Variants in MEGF6 observed in about 807,000 individuals in gnomAD.
MEGF6 encodes multiple EGF like domains 6.
In MEGF6, 184 loss-of-function variants were observed where a neutral mutation model predicts 207.1. The ratio of observed to expected loss-of-function variants is 0.89; its 90% CI spans 0.79 to 1.00. The LOEUF (loss-of-function observed/expected upper bound fraction) is 1.00, where lower values mean the gene tolerates loss of function less well. Among genes scored for constraint, MEGF6 ranks in the 50% least tolerant of loss-of-function variants. The probability of loss-of-function intolerance (pLI) is 0.00; values close to 1 mark genes in which losing one functional copy is unlikely to be tolerated. For missense variants in MEGF6, 2,282 were observed against 2,202.9 expected, an observed-to-expected ratio of 1.04 and a Z score of -0.72; for synonymous variants, 1,038 against 910.0, an observed-to-expected ratio of 1.14 and a Z score of -2.53.
rs1442405915 is a variant in MEGF6 at position 3,546,897 on chromosome 1, GCGGGGTGGC to G, written c.482-22660_482-22652del. 4.1e-3 allele frequency: 685 copies of G among 166,518 alleles called. 13 individuals are homozygous for G. Among genetic ancestry groups the G allele is most frequent in the South Asian group, 0.013 (138 of 11,010 alleles). 10.3% of individuals were successfully genotyped at this position (166,518 alleles called of 1,614,324 possible). On this transcript the variant is annotated intron_variant, in intron 4 of 36. Transcript: ENST00000356575. ...AGTGGGCTGGGAAGGGGGCTGCCAG[GCGGGGTGGC>G]AGTGGGCTGGGAAGGGGGCTGCCAG...
At chr1:3,515,587 C>G in intron 5 of MEGF6, 60 bp from the exon 6 acceptor site, 1 of 1,582,502 alleles carries the variant, frequency 6.3e-7, no homozygotes, top group Non-Finnish European at 8.6e-7. Context: ...ACAGTCTGTC[C>G]CTGGCTGGCA....
At position 3,500,646 on chromosome 1, in the gene MEGF6, C is replaced by A; in HGVS notation, c.2694G>T (p.Pro898=). 2 of 1,560,368 alleles carry A rather than the reference C, an allele frequency of 1.3e-6. No individual in the cohort carries two copies. Among genetic ancestry groups the A allele is most frequent in the Admixed American group, 1.9e-5 (1 of 52,552 alleles). ...LCLCEAGYVG[P]RCEQQCPQGH... ...GCCGGGACTCACGCTGCTCGCACCG[C>A]GGGCCCACGTAGCCAGCCTCACACA... The change falls in exon 21 of 37, where the codon CCG becomes CCT. Residue 898 remains proline (P), a synonymous_variant. Coordinates refer to ENST00000356575, the MANE Select transcript of MEGF6 (RefSeq NM_001409.4).
intron 18 of MEGF6, 148 bp from the exon 19 acceptor site, chr1:3,501,456 G>C: frequency 8.1e-7 from 1 of 1,234,950 alleles, no homozygotes; most frequent in African/African-American, 1.5e-5. Flanking sequence ...GAGAGGACCC[G>C]GGCACCTCCT....
chr1:3,494,215 C>A, intron 32 of MEGF6, 91 bp from the exon 33 acceptor site: 2 of 1,493,118 alleles, frequency 1.3e-6, no homozygotes, highest in South Asian at 1.4e-5. Flanking sequence ...AATCCAGGGG[C>A]CCGAGAAAAG....
At chr1:3,496,145 G>A (rs2100862676) in intron 29 of MEGF6, 127 bp from the exon 30 acceptor site, 1 of 1,341,858 alleles carries the variant, frequency 7.5e-7, no homozygotes. Flanking sequence ...ACAGGGTGGG[G>A]CCAGCCAACT....
At chr1:3,615,184 T>C (rs925496325), upstream of MEGF6, among the ~76,000 whole-genome samples, 4 of 152,172 alleles carry the variant, frequency 2.6e-5, no homozygotes, top group African/African-American at 9.7e-5. Flanking sequence ...TTGCCTTAAA[T>C]GTATGCATGG....
chr1:3,622,727 G>A, the MEGF6 span, among the ~76,000 whole-genome samples: 1 of 152,172 alleles, frequency 6.6e-6, no homozygotes, highest in South Asian at 2.1e-4. Flanking sequence ...GCATGGCCCT[G>A]CACACTCCTT....
rs1291666050 is a variant in MEGF6 at position 3,524,139 on chromosome 1, T to G, written c.589A>C (p.Ser197Arg). Residue 197 changes from serine to arginine, a missense_variant, in exon 5 of 37, where the codon AGC (serine) becomes CGC (arginine). By Grantham distance (110) the Ser-to-Arg change is moderately radical (BLOSUM62 -1). Transcript: ENST00000356575. ...CGACACTCACCCAGGCAGGTCCTGC[T>G]GTCAGTGTGGAGCCGGAAGCCGGGC... Reference protein sequence around the residue: ...CKPGFRLHTDSRTCLAINSCA... With the variant: ...CKPGFRLHTDRRTCLAINSCA... The G allele has an allele frequency of 5.0e-6, 8 of 1,612,338 alleles. No individual in the cohort carries two copies. The highest frequency in any genetic ancestry group is 5.9e-6 in the Non-Finnish European group (7 of 1,179,714).
Position 3,497,243 on chromosome 1 carries a change from G to A in MEGF6, c.3471C>T (p.Gly1157=). 2.0e-6 allele frequency: 3 copies of A among 1,531,526 alleles called. No individual in the cohort carries two copies. The highest frequency in any genetic ancestry group is 2.6e-6 in the Non-Finnish European group (3 of 1,141,960). 94.9% of individuals were successfully genotyped at this position (1,531,526 alleles called of 1,614,324 possible). Residue 1157 remains glycine, a synonymous_variant, in exon 27 of 37, where the codon GGC becomes GGT. Coordinates refer to ENST00000356575, the MANE Select transcript of MEGF6 (RefSeq NM_001409.4). ...CRCPPGFTGS[G]CEQACPPGSF... Reference sequence around the variant, plus strand: ...CTTGGGAGCACCTACCCTGCTCGCAGCCGGAGCCAGTGAAGCCAGGGGGAC... The same window carrying A: ...CTTGGGAGCACCTACCCTGCTCGCAACCGGAGCCAGTGAAGCCAGGGGGAC...
chr1:3,531,146 T>G (rs1312779191), intron 4 of MEGF6: 14 of 1,528,142 alleles, frequency 9.2e-6, no homozygotes, highest in Non-Finnish European at 1.1e-5. Flanking sequence ...TAGCAGCCCC[T>G]CCAGAGGTAG....
rs1334766364 is a variant in MEGF6 at position 3,531,421 on chromosome 1, G to A, written c.482-7175C>T. ...GCCCGGGAGCCGCTCTGGGCCGGGC[G>A]CGCCCCGCCCCTCGCCTTTAAGTTC... On this transcript the variant is annotated intron_variant, in intron 4 of 36. Transcript: ENST00000356575. 12 of 1,126,538 alleles carry A rather than the reference G, an allele frequency of 1.1e-5. No homozygotes were observed. In the African/African-American group the frequency reaches 1.7e-4, roughly 15 times the overall value. The allele number at this position is 1,126,538 out of a possible 1,614,324, so 69.8% of individuals were successfully genotyped here. A position where few individuals can be genotyped will look rare whatever the true frequency, so the allele number is the denominator to read the frequency against.
chr1:3,497,943 G>C (rs945446370), intron 26 of MEGF6, among the ~76,000 whole-genome samples: 2 of 152,176 alleles, frequency 1.3e-5, no homozygotes, highest in Non-Finnish European at 2.9e-5. Context: ...CTGGGCTCTG[G>C]AGGGGCTGAG....
intron 1 of MEGF6, among the ~76,000 whole-genome samples, chr1:3,604,985 C>A (rs72855433): frequency 0.025 from 3,836 of 152,186 alleles, 158 homozygotes; most frequent in African/African-American, 0.086. Flanking sequence ...ACTGCCCCAC[C>A]CCACCCTGCT....
intron 34 of MEGF6, 107 bp from the exon 35 acceptor site, chr1:3,492,874 CCTT>C: frequency 1.4e-6 from 2 of 1,472,836 alleles, no homozygotes; most frequent in Non-Finnish European, 9.2e-7. Context: ...TGGAGTGAAG[CCTT>C]CTGCCTGGGT....
chr1:3,531,570 C>A, intron 4 of MEGF6: 1 of 902,036 alleles, frequency 1.1e-6, no homozygotes, highest in Non-Finnish European at 1.3e-6. Context: ...GCCCGCCCCG[C>A]GCATTCCAGC....
At chr1:3,618,873 A>G in the MEGF6 span, among the ~76,000 whole-genome samples, 2 of 152,178 alleles carry the variant, frequency 1.3e-5, no homozygotes, top group African/African-American at 4.8e-5. The surrounding 1 kb of genome is among the most constrained non-coding windows in gnomAD (Gnocchi z 4.7). Flanking sequence ...CTGAGGGAAG[A>G]GCCTCCAGGC....
chr1:3,589,346 GC>G (rs1183150528), intron 3 of MEGF6, among the ~76,000 whole-genome samples: 1 of 152,088 alleles, frequency 6.6e-6, no homozygotes, highest in African/African-American at 2.4e-5. Context: ...CGCTGCAGCA[GC>G]CCCGGGAGCT....
chr1:3,491,905 C>A (rs968476757), intron 35 of MEGF6, among the ~76,000 whole-genome samples: 3 of 151,818 alleles, frequency 2.0e-5, no homozygotes, highest in African/African-American at 7.3e-5. Flanking sequence ...TAAGGAGCCA[C>A]CCTCACACAG....
chr1:3,491,775 T>TGGG (rs533521909), intron 35 of MEGF6, among the ~76,000 whole-genome samples: 21 of 63,256 alleles, frequency 3.3e-4, no homozygotes, highest in African/African-American at 5.8e-4. Context: ...GGTGCGGGGG[T>TGGG]GGGGGGGGGG....
Sources: gnomAD v4.1 joint callset for allele counts (sites outside exome capture counted in the v4.1 genomes callset) on GRCh38, gnomAD v4.1.1 for gene constraint, Gnocchi (gnomAD v3.1) non-coding constraint, MANE v1.5 for transcripts, NCBI Gene and HGNC (gene_info 2026-07-23, HGNC 2026-07-21) for gene names.